ASCC3: variants seen among roughly 807,000 people sequenced by gnomAD.
The protein encoded by ASCC3 is ASC-1 complex subunit P200.
Under a neutral mutation model 256.3 loss-of-function variants are expected in ASCC3, and 158 were observed. The ratio of observed to expected loss-of-function variants is 0.62; its 90% CI spans 0.54 to 0.70. The LOEUF (loss-of-function observed/expected upper bound fraction) is 0.70, where lower values mean the gene tolerates loss of function less well. ASCC3 is among the 30% of genes least tolerant of loss of function. ASCC3 has a pLI of 0.00. For missense variants in ASCC3, 2,259 were observed against 2,626.0 expected (o/e 0.86, Z 3.05); for synonymous variants, 948 against 883.4 (o/e 1.07, Z -1.30).
intron 3 of ASCC3, among the ~76,000 whole-genome samples, chr6:100,850,095 T>C (rs1429395691): frequency 2.5e-5 from 1 of 39,472 alleles, no homozygotes; most frequent in Non-Finnish European, 6.4e-5. Flanking sequence ...ATTGAGACTC[T>C]ATCAAAAAAA....
intron 10 of ASCC3, among the ~76,000 whole-genome samples, chr6:100,759,921 G>T (rs938062287): frequency 8.6e-5 from 13 of 151,986 alleles, no homozygotes; most frequent in African/African-American, 3.1e-4. Flanking sequence ...TGTAGAAATT[G>T]TGAGAGTTCA....
chr6:100,510,451 C>T (rs1773705379), intron 40 of ASCC3: 1 of 261,030 alleles, frequency 3.8e-6, no homozygotes, highest in African/African-American at 2.2e-5. Flanking sequence ...GGTAGATGAA[C>T]AAATTGAGAC....
intron 29 of ASCC3, among the ~76,000 whole-genome samples, 186 bp downstream of exon 29, chr6:100,627,404 C>T (rs1029666671): frequency 5.3e-5 from 8 of 152,046 alleles, no homozygotes; most frequent in Admixed American, 1.3e-4. Context: ...TTTGTGAAAT[C>T]GCTCCAATCT....
intron 26 of ASCC3, among the ~76,000 whole-genome samples, chr6:100,630,347 T>C (rs1284748055): frequency 6.6e-6 from 1 of 152,128 alleles, no homozygotes; most frequent in African/African-American, 2.4e-5. Context: ...TTCACATGGT[T>C]CAAAGAATAC....
At chr6:100,629,787 A>C (rs1350143020) in intron 26 of ASCC3, among the ~76,000 whole-genome samples, 1 of 152,184 alleles carries the variant, frequency 6.6e-6, no homozygotes, top group African/African-American at 2.4e-5. Flanking sequence ...AGTGAGAGAG[A>C]AGGAAAAGAA....
At chr6:100,640,305 A>C (rs1775057994) in intron 24 of ASCC3, among the ~76,000 whole-genome samples, 1 of 152,190 alleles carries the variant, frequency 6.6e-6, no homozygotes. Flanking sequence ...GTGAAAGATG[A>C]AGGTTTTTCT....
chr6:100,704,464 C>G (rs1778489297), intron 13 of ASCC3, among the ~76,000 whole-genome samples: 1 of 151,790 alleles, frequency 6.6e-6, no homozygotes, highest in African/African-American at 2.4e-5. Context: ...GGCAAAGGGC[C>G]AATGGAAAGT....
At chr6:100,730,160 G>A (rs563238574) in intron 10 of ASCC3, among the ~76,000 whole-genome samples, 3 of 151,960 alleles carry the variant, frequency 2.0e-5, no homozygotes, top group East Asian at 1.9e-4. Context: ...AAAATTAACT[G>A]GATGTGGTTG....
chr6:100,632,394 C>G (rs240144), intron 25 of ASCC3, among the ~76,000 whole-genome samples: 11,157 of 151,834 alleles, frequency 0.073, 610 homozygotes, highest in African/African-American at 0.15. Context: ...GGTCATACAA[C>G]CCAAAGCAAT....
At chr6:100,715,240 C>T (rs1268879740) in intron 13 of ASCC3, 1 of 410,616 alleles carries the variant, frequency 2.4e-6, no homozygotes, top group South Asian at 4.7e-5. Flanking sequence ...AAATGGCAAA[C>T]AAAATAGCAC....
At chr6:100,863,958 C>A in intron 3 of ASCC3, 106 bp downstream of exon 3, 1 of 1,065,620 alleles carries the variant, frequency 9.4e-7, no homozygotes, top group Non-Finnish European at 1.3e-6. Flanking sequence ...ACTTAGATGC[C>A]AGGAAATTTT....
intron 11 of ASCC3, among the ~76,000 whole-genome samples, chr6:100,719,302 C>A (rs1000502900): frequency 3.3e-5 from 5 of 151,960 alleles, no homozygotes; most frequent in African/African-American, 1.2e-4. Context: ...AAGCAAGGAA[C>A]CCTAAATAAG....
At chr6:100,700,271 C>T (rs1414131944) in intron 13 of ASCC3, among the ~76,000 whole-genome samples, 1 of 152,100 alleles carries the variant, frequency 6.6e-6, no homozygotes, top group African/African-American at 2.4e-5. Flanking sequence ...TGGCAGCCTC[C>T]ATGTAGTGTT....
intron 10 of ASCC3, among the ~76,000 whole-genome samples, chr6:100,745,547 T>C (rs1360715687): frequency 6.6e-6 from 1 of 151,428 alleles, no homozygotes; most frequent in African/African-American, 2.4e-5. Flanking sequence ...ATGTGATGCA[T>C]GCACATACAC....
chr6:100,774,362 CCTGA>C (rs201798024), intron 8 of ASCC3, among the ~76,000 whole-genome samples: 2,077 of 149,712 alleles, frequency 0.014, 18 homozygotes, highest in East Asian at 0.044. Flanking sequence ...TGTCACCACA[CCTGA>C]CTAACTTTTT....
intron 36 of ASCC3, among the ~76,000 whole-genome samples, chr6:100,567,801 T>A (rs1368693894): frequency 6.6e-6 from 1 of 152,206 alleles, no homozygotes; most frequent in Non-Finnish European, 1.5e-5. Context: ...CCACTGTTCA[T>A]GGGCACTTAG....
Position 100,723,870 on chromosome 6 carries a change from AT to A in ASCC3, c.1902+1668del, listed in dbSNP as rs1306457351. ...GAAGTTATTAGGGAATTATATATAT[AT>A]ATATATATATATATATATATATATA... On this transcript the variant is annotated intron_variant, in intron 11 of 41. Coordinates refer to ENST00000369162, the MANE Select transcript of ASCC3 (RefSeq NM_006828.4). Among the ~76,000 whole-genome samples the A allele has an allele frequency of 1.3e-3, 41 of 31,552 alleles. 2 individuals carry two copies. Among genetic ancestry groups the A allele is most frequent in the African/African-American group, 7.6e-3 (40 of 5,258 alleles). 20.7% of individuals were successfully genotyped at this position (31,552 alleles called of 152,430 possible).
intron 37 of ASCC3, among the ~76,000 whole-genome samples, chr6:100,527,848 GT>G (rs903955246): frequency 2.2e-5 from 3 of 139,238 alleles, no homozygotes; most frequent in Admixed American, 1.4e-4. Flanking sequence ...TTTTTTTGTT[GT>G]TTTTTTTAAG....
At chr6:100,522,272 C>T (rs962799129) in intron 37 of ASCC3, among the ~76,000 whole-genome samples, 9 of 151,964 alleles carry the variant, frequency 5.9e-5, no homozygotes, top group Non-Finnish European at 8.8e-5. Flanking sequence ...GTTGTTGATT[C>T]GGAATTGTTT....
Sources: gnomAD v4.1 joint callset for allele counts (sites outside exome capture counted in the v4.1 genomes callset) on GRCh38, gnomAD v4.1.1 for gene constraint, MANE v1.5 for transcripts, NCBI Gene and HGNC (gene_info 2026-07-23, HGNC 2026-07-21) for gene names.